Variants in CSNK1G1 observed in about 807,000 individuals in gnomAD.
CSNK1G1 encodes casein kinase 1 gamma 1.
CSNK1G1 carries 22 observed loss-of-function variants against 59.6 expected under a neutral mutation model. That is an observed-to-expected ratio of 0.37 (90% CI 0.26 to 0.53). CSNK1G1 has a LOEUF of 0.53. Ranked by LOEUF, CSNK1G1 falls within the 20% of genes least tolerant of loss-of-function variation. The pLI, the probability that CSNK1G1 is intolerant of heterozygous loss-of-function variation, is 0.89. For synonymous variants in CSNK1G1, 179 were observed against 177.1 expected (o/e 1.01, Z -0.08); for missense variants, 384 against 519.5 (o/e 0.74, Z 2.54).
intron 2 of CSNK1G1, among the ~76,000 whole-genome samples, chr15:64,279,852 G>A (rs1252079294): frequency 4.0e-5 from 6 of 151,686 alleles, no homozygotes; most frequent in Admixed American, 6.6e-5. Flanking sequence ...CGCACCTGTA[G>A]TCCCAGCTAC....
chr15:64,186,574 A>C (rs2081899013), intron 10 of CSNK1G1, among the ~76,000 whole-genome samples: 1 of 152,162 alleles, frequency 6.6e-6, no homozygotes, highest in Non-Finnish European at 1.5e-5. Flanking sequence ...CAGTGGTACG[A>C]TCATGGCTCA....
At position 64,169,767 on chromosome 15, in the gene CSNK1G1, G is replaced by C. The variant is rs544711752; in HGVS notation, c.*2164C>G. On this transcript the variant is annotated 3_prime_UTR_variant, in exon 12 of 12. Coordinates refer to ENST00000303052, the MANE Select transcript of CSNK1G1 (RefSeq NM_022048.5). ...CCTGCCACTTTATGTTTCATATATAGAAACATTTATAGAAATGACATATTA... is the reference window on the plus strand; with the variant it reads ...CCTGCCACTTTATGTTTCATATATACAAACATTTATAGAAATGACATATTA... 2 of 152,238 alleles carry C rather than the reference G, an allele frequency of 1.3e-5. No individual in the cohort carries two copies. Among genetic ancestry groups the C allele is most frequent in the Non-Finnish European group, 2.9e-5 (2 of 68,022 alleles). The allele number at this position is 152,238 out of a possible 1,614,324, so 9.4% of individuals were successfully genotyped here. A position where few individuals can be genotyped will look rare whatever the true frequency, so the allele number is the denominator to read the frequency against.
At chr15:64,259,495 C>T (rs938254875) in intron 2 of CSNK1G1, among the ~76,000 whole-genome samples, 1 of 140,734 alleles carries the variant, frequency 7.1e-6, no homozygotes. Context: ...CACACACACA[C>T]ACACACACAC....
chr15:64,229,503 G>A (rs1268281342), intron 4 of CSNK1G1, among the ~76,000 whole-genome samples: 1 of 151,346 alleles, frequency 6.6e-6, no homozygotes, highest in Non-Finnish European at 1.5e-5. Flanking sequence ...AGAAGGAGGA[G>A]TATTCTCTCT....
intron 6 of CSNK1G1, 73 bp from the exon 7 acceptor site, chr15:64,207,667 C>T (rs903971765): frequency 1.2e-5 from 13 of 1,078,108 alleles, no homozygotes; most frequent in African/African-American, 3.1e-5. Context: ...CCAAGTAATC[C>T]CTTCAGAAAC....
rs577471616 is a variant in CSNK1G1, at chr15:64,210,334, T to C, written c.680-2740A>G. ...GCTCTAAAATTCTAAAATAATCTGA[T>C]AACTTAAGCCTTTAGGGCCTTTCAG... On this transcript the variant is annotated intron_variant, in intron 6 of 11. Coordinates refer to ENST00000303052, the MANE Select transcript of CSNK1G1 (RefSeq NM_022048.5). The surrounding 1 kb of genome is among the most constrained non-coding windows in gnomAD (Gnocchi z 4.2). Among the ~76,000 whole-genome samples, 5 of 152,282 alleles carry C rather than the reference T, an allele frequency of 3.3e-5. No individual in the cohort carries two copies. Among genetic ancestry groups the C allele is most frequent in the South Asian group, 2.1e-4 (1 of 4,824 alleles).
At chr15:64,189,901 C>T (rs1431654466) in intron 10 of CSNK1G1, among the ~76,000 whole-genome samples, 1 of 150,954 alleles carries the variant, frequency 6.6e-6, no homozygotes, top group Non-Finnish European at 1.5e-5. Context: ...TCACTGCAAG[C>T]TCCGCCTCCC....
At chr15:64,344,433 T>C (rs941157059) in intron 1 of CSNK1G1, among the ~76,000 whole-genome samples, 8 of 152,180 alleles carry the variant, frequency 5.3e-5, no homozygotes, top group Non-Finnish European at 1.0e-4. Context: ...AAAAAATACA[T>C]TAAGATTCAT....
intron 2 of CSNK1G1, among the ~76,000 whole-genome samples, chr15:64,282,564 T>C (rs773942688): frequency 1.3e-5 from 2 of 152,218 alleles, no homozygotes; most frequent in Non-Finnish European, 2.9e-5. Context: ...ACAAAATCAA[T>C]GGTCTTTTTG....
intron 1 of CSNK1G1, among the ~76,000 whole-genome samples, chr15:64,343,141 G>A (rs2140478824): frequency 1.3e-5 from 2 of 151,324 alleles, no homozygotes; most frequent in Middle Eastern, 6.8e-3. Context: ...GAACCCAGGA[G>A]GCAGAGGTTG....
At chr15:64,283,152 C>T (rs1471841852) in intron 2 of CSNK1G1, among the ~76,000 whole-genome samples, 1 of 151,830 alleles carries the variant, frequency 6.6e-6, no homozygotes, top group Non-Finnish European at 1.5e-5. Context: ...CCCCAATAAC[C>T]TATGGAAAAA....
intron 1 of CSNK1G1, among the ~76,000 whole-genome samples, chr15:64,319,370 A>T (rs1360663485): frequency 6.6e-6 from 1 of 150,764 alleles, no homozygotes; most frequent in Non-Finnish European, 1.5e-5. Context: ...AAACGCATCT[A>T]CTCTCAAAGG....
chr15:64,202,797 C>T (rs747546360), intron 10 of CSNK1G1, among the ~76,000 whole-genome samples: 14 of 152,130 alleles, frequency 9.2e-5, no homozygotes, highest in Non-Finnish European at 1.3e-4. Context: ...AAGTGATCTA[C>T]CTGCCTTGGC....
intron 4 of CSNK1G1, among the ~76,000 whole-genome samples, chr15:64,231,512 G>C (rs2082549248): frequency 6.6e-6 from 1 of 150,608 alleles, no homozygotes; most frequent in Non-Finnish European, 1.5e-5. Flanking sequence ...GTATCCCTAA[G>C]ACTTAGCTTA....
chr15:64,298,231 C>T (rs1431305762), intron 2 of CSNK1G1, among the ~76,000 whole-genome samples: 1 of 152,174 alleles, frequency 6.6e-6, no homozygotes, highest in East Asian at 1.9e-4. Context: ...AACAGATTTC[C>T]ACTTTTAATT....
chr15:64,218,219 G>C (rs2082336828), intron 4 of CSNK1G1, among the ~76,000 whole-genome samples: 1 of 152,092 alleles, frequency 6.6e-6, no homozygotes, highest in Non-Finnish European at 1.5e-5. Context: ...CCAAAGTGCT[G>C]GGAATACAGG....
At chr15:64,340,687 C>T (rs1897638522) in intron 1 of CSNK1G1, among the ~76,000 whole-genome samples, 1 of 152,200 alleles carries the variant, frequency 6.6e-6, no homozygotes, top group Non-Finnish European at 1.5e-5. Context: ...TGTATGTTGG[C>T]TCATGCCTGT....
At position 64,191,310 on chromosome 15, in the gene CSNK1G1, T is replaced by C. The variant is rs1039435559; in HGVS notation, c.1108-10856A>G. On this transcript the variant is annotated intron_variant, in intron 10 of 11. Transcript: ENST00000303052. Reference sequence around the variant, plus strand: ...TTCCTGACCTCATGATCTGCCCGCCTCGGCCTCCCAAAGTGCTAAGATTAT... The same window carrying C: ...TTCCTGACCTCATGATCTGCCCGCCCCGGCCTCCCAAAGTGCTAAGATTAT... Among the ~76,000 whole-genome samples the C allele has an allele frequency of 5.3e-5, 8 of 152,282 alleles. No homozygotes were observed. In the East Asian group the frequency reaches 1.4e-3, roughly 26 times the overall value.
intron 1 of CSNK1G1, among the ~76,000 whole-genome samples, chr15:64,326,849 T>TTGC (rs1275848829): frequency 7.3e-5 from 11 of 150,782 alleles, no homozygotes; most frequent in Non-Finnish European, 8.9e-5. Flanking sequence ...GGGCGAGGCA[T>TTGC]TGCCTCACCT....
Sources: gnomAD v4.1 joint callset for allele counts (sites outside exome capture counted in the v4.1 genomes callset) on GRCh38, gnomAD v4.1.1 for gene constraint, Gnocchi (gnomAD v3.1) non-coding constraint, MANE v1.5 for transcripts, NCBI Gene and HGNC (gene_info 2026-07-23, HGNC 2026-07-21) for gene names.